BBS9: variants seen among roughly 807,000 people sequenced by gnomAD.
BBS9 encodes Bardet-Biedl syndrome 9, also known as protein PTHB1.
A neutral mutation model predicts 117.7 loss-of-function variants in BBS9; 89 were observed. The ratio of observed to expected loss-of-function variants is 0.76; its 90% CI spans 0.64 to 0.90. The LOEUF is 0.90. Among genes scored for constraint, BBS9 ranks in the 40% least tolerant of loss-of-function variants. The pLI, the probability that BBS9 is intolerant of heterozygous loss-of-function variation, is 0.00. For synonymous variants in BBS9, 379 were observed against 370.9 expected (o/e 1.02, Z -0.25); for missense variants, 982 against 1,042.2 (o/e 0.94, Z 0.80).
At chr7:33,278,363 G>C (rs77383458) in intron 9 of BBS9, among the ~76,000 whole-genome samples, 2,426 of 152,228 alleles carry the variant, frequency 0.016, 70 homozygotes, top group African/African-American at 0.056. Context: ...GGCTTCCAAG[G>C]CTTATATGAC....
intron 12 of BBS9, among the ~76,000 whole-genome samples, 184 bp from the exon 13 acceptor site, chr7:33,348,884 G>A (rs1436261414): frequency 6.6e-6 from 1 of 152,072 alleles, no homozygotes; most frequent in Non-Finnish European, 1.5e-5. Context: ...TTTAGCTTTT[G>A]TGCACAGTTT....
intron 19 of BBS9, among the ~76,000 whole-genome samples, chr7:33,497,456 C>G (rs1002992698): frequency 6.6e-6 from 1 of 152,184 alleles, no homozygotes; most frequent in African/African-American, 2.4e-5. Context: ...GATATTTTTA[C>G]ACTGGAATTT....
intron 21 of BBS9, among the ~76,000 whole-genome samples, chr7:33,600,038 C>CTGG (rs1292384369): frequency 2.0e-5 from 3 of 152,268 alleles, no homozygotes; most frequent in Admixed American, 6.5e-5. Context: ...AAGGAGTTTG[C>CTGG]TGGTATTTGA....
intron 15 of BBS9, among the ~76,000 whole-genome samples, chr7:33,356,217 CAGTG>C (rs913587318): frequency 2.6e-5 from 4 of 151,780 alleles, no homozygotes; most frequent in African/African-American, 9.7e-5. Context: ...GAAACATACT[CAGTG>C]GGTGTATTTC....
chr7:33,522,234 A>T (rs1320068734), intron 20 of BBS9, among the ~76,000 whole-genome samples: 31 of 152,180 alleles, frequency 2.0e-4, no homozygotes, highest in Admixed American at 1.6e-3. Flanking sequence ...TATAGCAGCA[A>T]GATTTATAGT....
chr7:33,177,888 T>C (rs1261445391), intron 5 of BBS9: 1 of 312,190 alleles, frequency 3.2e-6, no homozygotes, highest in Admixed American at 4.7e-5. Context: ...TCTTTGATTT[T>C]TATATAACCA....
At chr7:33,170,846 A>G (rs1280682536) in intron 4 of BBS9, among the ~76,000 whole-genome samples, 1 of 152,078 alleles carries the variant, frequency 6.6e-6, no homozygotes, top group Non-Finnish European at 1.5e-5. Context: ...GTGAACTGCC[A>G]TTCACAATTG....
chr7:33,250,229 G>A (rs574645687), intron 5 of BBS9, among the ~76,000 whole-genome samples: 1 of 152,046 alleles, frequency 6.6e-6, no homozygotes, highest in Non-Finnish European at 1.5e-5. Flanking sequence ...TATAAAATGG[G>A]ACTATTGTCT....
chr7:33,449,412 TC>T (rs1215918841), intron 19 of BBS9, among the ~76,000 whole-genome samples: 2 of 152,142 alleles, frequency 1.3e-5, no homozygotes, highest in Non-Finnish European at 2.9e-5. Flanking sequence ...TGTTTGGAAC[TC>T]AGCATGCTTC....
At chr7:33,476,539 C>T (rs1340610741) in intron 19 of BBS9, among the ~76,000 whole-genome samples, 1 of 152,204 alleles carries the variant, frequency 6.6e-6, no homozygotes, top group African/African-American at 2.4e-5. Flanking sequence ...TTAAACAAAC[C>T]TGGACCCCTG....
chr7:33,180,105 C>T (rs1049140213), intron 5 of BBS9, among the ~76,000 whole-genome samples: 33 of 152,202 alleles, frequency 2.2e-4, no homozygotes, highest in African/African-American at 7.0e-4. Flanking sequence ...CTTTAGTTAC[C>T]TGTTCCATAA....
chr7:33,239,323 A>G (rs1330017550), intron 5 of BBS9, among the ~76,000 whole-genome samples: 1 of 152,180 alleles, frequency 6.6e-6, no homozygotes, highest in Non-Finnish European at 1.5e-5. Context: ...ATAGGTGATC[A>G]TTCTCCTTTT....
intron 6 of BBS9, among the ~76,000 whole-genome samples, chr7:33,259,757 T>G (rs1435125152): frequency 6.6e-6 from 1 of 152,116 alleles, no homozygotes; most frequent in Non-Finnish European, 1.5e-5. Flanking sequence ...TTGATCATCT[T>G]TTATTCTCTT....
chr7:33,520,793 C>G (rs1338227043), intron 20 of BBS9, among the ~76,000 whole-genome samples: 1 of 152,194 alleles, frequency 6.6e-6, no homozygotes, highest in Admixed American at 6.5e-5. Flanking sequence ...GTTCGTCTTT[C>G]TTGGGCCTCC....
At chr7:33,615,083 C>T (rs2071870993) in intron 21 of BBS9, among the ~76,000 whole-genome samples, 2 of 152,058 alleles carry the variant, frequency 1.3e-5, no homozygotes, top group South Asian at 4.2e-4. Context: ...GAGACCTAAT[C>T]ATAGGACTAT....
chr7:33,137,015 T>A (rs1438190221), intron 1 of BBS9, among the ~76,000 whole-genome samples: 2 of 152,158 alleles, frequency 1.3e-5, no homozygotes, highest in Non-Finnish European at 2.9e-5. Context: ...TCTATTTAGA[T>A]TTTTTATTTC....
At position 33,152,712 on chromosome 7, in the gene BBS9, G is replaced by A; in HGVS notation, c.124G>A (p.Val42Met). 6.2e-7 allele frequency: 1 copy of A among 1,609,140 alleles called. No homozygotes were observed. Residue 42 changes from valine to methionine, a missense_variant, in exon 3 of 23, where the codon GTG becomes ATG. Val to Met is a conservative substitution (Grantham distance 21). Transcript: ENST00000242067. ...NSGNGQDKII[V>M]GSFMGYLRIF... is the part of the protein sequence containing the mutation. ...TAAATTCTCTACAGATAAAATAATT[G>A]TGGGTAGCTTTATGGGATACCTAAG...
intron 4 of BBS9, among the ~76,000 whole-genome samples, chr7:33,165,070 T>C (rs62449325): frequency 0.27 from 41,451 of 152,038 alleles, 6,448 homozygotes; most frequent in Admixed American, 0.42. Context: ...AAGAATTTTA[T>C]TTCTCCTTCA....
intron 4 of BBS9, 107 bp downstream of exon 4, chr7:33,155,809 T>A: frequency 1.6e-6 from 1 of 631,244 alleles, no homozygotes; most frequent in Non-Finnish European, 2.8e-6. Context: ...ACAAAACATT[T>A]AGTTGAATGT....
Sources: gnomAD v4.1 joint callset for allele counts (sites outside exome capture counted in the v4.1 genomes callset) on GRCh38, gnomAD v4.1.1 for gene constraint, MANE v1.5 for transcripts, NCBI Gene and HGNC (gene_info 2026-07-23, HGNC 2026-07-21) for gene names.